ZFC3H1: variants seen among roughly 807,000 people sequenced by gnomAD.
The protein encoded by ZFC3H1 is zinc finger C3H1 domain-containing protein.
In ZFC3H1, 71 loss-of-function variants were observed where a neutral mutation model predicts 243.7. The ratio of observed to expected loss-of-function variants is 0.29; its 90% confidence interval spans 0.24 to 0.36. ZFC3H1 has a LOEUF of 0.36. ZFC3H1 is among the 10% of genes least tolerant of loss of function. The probability of loss-of-function intolerance (pLI) is 1.00; values close to 1 mark genes in which losing one functional copy is unlikely to be tolerated. For synonymous variants in ZFC3H1, 838 were observed against 813.0 expected, an observed-to-expected ratio of 1.03 and a Z score of -0.52; for missense variants, 1,966 against 2,317.1, an observed-to-expected ratio of 0.85 and a Z score of 3.11.
chr12:71,630,909 T>C lies in ZFC3H1; in HGVS notation c.3516A>G (p.Ser1172=), dbSNP rs779136026. ...GTTCAATCATATTACTGTATGATAC[T>C]GAGCTCAGGGGAAGTTTTTCCTTGG... is the stretch of plus-strand genomic sequence containing the variant. ...YRTKEKLPLS[S]VSYSNMIEPD... Residue 1172 remains serine, a synonymous_variant, in exon 17 of 35, where the codon TCA becomes TCG. Transcript: ENST00000378743. The C allele has an allele frequency of 1.2e-6, 2 of 1,612,796 alleles. No individual in the cohort carries two copies. The highest frequency in any genetic ancestry group is 3.3e-5 in the Admixed American group (2 of 60,020).
At chr12:71,629,141 CT>C in intron 19 of ZFC3H1, 104 bp from the exon 20 acceptor site, 2 of 952,502 alleles carry the variant, frequency 2.1e-6, no homozygotes, top group Non-Finnish European at 2.9e-6. Context: ...TTCACTCCAT[CT>C]TAGAAATGAT....
Position 71,620,315 on chromosome 12 carries a change from T to C in ZFC3H1, c.4745A>G (p.Asp1582Gly), listed in dbSNP as rs774521723. The change falls in exon 25 of 35, where the codon GAT (aspartate) becomes GGT (glycine). Residue 1582 changes from aspartate to glycine, a missense_variant and splice_region_variant. This residue lies in a region of ZFC3H1 where 1,383 missense variants were observed against 1,723.7 expected (regional missense o/e 0.80). Transcript: ENST00000378743. ...CTCATCTGTGCAAGCTTTCACTGCA[T>C]CTACCCAAAAACATCACAACAACAT... ...NPDMLLAVFE[D>G]AVKACTDESL... 43 of 1,613,914 alleles carry C rather than the reference T, an allele frequency of 2.7e-5. No individual in the cohort carries two copies. The highest frequency in any genetic ancestry group is 3.2e-5 in the Non-Finnish European group (38 of 1,179,946).
In ZFC3H1 at chr12:71,636,462, A is replaced by G. The variant is rs1454053988; in HGVS notation, c.2100+28T>C. The G allele has an allele frequency of 3.2e-6, 5 of 1,583,174 alleles. No individual in the cohort carries two copies. In the African/African-American group the frequency reaches 6.8e-5, roughly 22 times the overall value. On this transcript the variant is annotated intron_variant, in intron 9 of 34. Transcript: ENST00000378743. ...AGAAATTTATCATAACTGTTTGAAT[A>G]AAAGTAGCATTAAATTTTTGTTTTT...
chr12:71,641,836 T>C (rs769542440), intron 6 of ZFC3H1, among the ~76,000 whole-genome samples: 1 of 152,116 alleles, frequency 6.6e-6, no homozygotes, highest in Non-Finnish European at 1.5e-5. Context: ...AGTAATGTTC[T>C]CATCTTTCCC....
intron 27 of ZFC3H1, 21 bp from the exon 28 acceptor site, chr12:71,615,337 A>G: frequency 6.7e-7 from 1 of 1,494,604 alleles, no homozygotes; most frequent in Admixed American, 1.8e-5. Context: ...AAATCCAAAT[A>G]TTGTTTTAAA....
Position 71,619,396 on chromosome 12 carries a change from T to C in ZFC3H1, c.5063A>G (p.Asn1688Ser). 4 of 1,613,582 alleles carry C rather than the reference T, an allele frequency of 2.5e-6. No individual in the cohort carries two copies. The highest frequency in any genetic ancestry group is 3.4e-6 in the Non-Finnish European group (4 of 1,179,722). ...AAATTTCCGCAAAAATGGAAGAAGA[T>C]TATCGCCTCGATTCTATTTTAAAAA... ...KFFILQNRGD[N>S]LLPFLRKFIA... Residue 1688 changes from asparagine (N) to serine (S), a missense_variant, in exon 27 of 35, where the codon AAT becomes AGT. Physicochemically the swap from Asn to Ser is conservative, Grantham distance 46. Around this residue, in one of 4 missense-constraint regions of ZFC3H1, gnomAD observed 1,383 missense variants for 1,723.7 expected, o/e 0.80. Transcript: ENST00000378743.
At chr12:71,635,075 T>C (rs2137538217) in intron 10 of ZFC3H1, among the ~76,000 whole-genome samples, 1 of 152,138 alleles carries the variant, frequency 6.6e-6, no homozygotes, top group East Asian at 1.9e-4. Context: ...ACTACTGAAA[T>C]AGGGAAAAAA....
intron 2 of ZFC3H1, among the ~76,000 whole-genome samples, chr12:71,648,793 GA>G (rs1474007215): frequency 6.6e-6 from 1 of 152,124 alleles, no homozygotes; most frequent in African/African-American, 2.4e-5. Flanking sequence ...TGATACATTA[GA>G]AAATAATTCG....
chr12:71,647,181 C>CA, intron 3 of ZFC3H1, among the ~76,000 whole-genome samples: 1 of 152,306 alleles, frequency 6.6e-6, no homozygotes, highest in African/African-American at 2.4e-5. Context: ...TTTCAGATCT[C>CA]TAATTCAACA....
rs1149007 is a variant in ZFC3H1, at chr12:71,638,768, C to T, written c.1628-253G>A. Among the ~76,000 whole-genome samples the T allele has an allele frequency of 0.5, 75,784 of 151,726 alleles. 22,112 individuals carry two copies. Among genetic ancestry groups the T allele is most frequent in the Middle Eastern group, 0.71 (209 of 294 alleles). On this transcript the variant is annotated intron_variant, in intron 6 of 34. Transcript: ENST00000378743. ...ACTCTCACTTTGTTCCACTTTTAAC[C>T]TAATGATGAGAACAGGGAATAAAGC...
chr12:71,634,059 G>T, intron 12 of ZFC3H1, 96 bp downstream of exon 12: 2 of 1,257,432 alleles, frequency 1.6e-6, no homozygotes, highest in Non-Finnish European at 2.2e-6. Context: ...GTGAGAAAAT[G>T]TATAATCTTA....
At chr12:71,629,522 G>A (rs1340895196) in intron 19 of ZFC3H1, 87 bp downstream of exon 19, 9 of 879,284 alleles carry the variant, frequency 1.0e-5, no homozygotes, top group Middle Eastern at 3.0e-4. Context: ...CTGTCATACA[G>A]AAACTAAAAA....
chr12:71,641,735 C>G (rs1880606901), intron 6 of ZFC3H1, among the ~76,000 whole-genome samples: 1 of 152,146 alleles, frequency 6.6e-6, no homozygotes, highest in Non-Finnish European at 1.5e-5. Flanking sequence ...TAGAAAGAGA[C>G]AGGAAGCCAA....
Position 71,629,643 on chromosome 12 carries a change from G to C in ZFC3H1, c.3792C>G (p.Leu1264=), listed in dbSNP as rs1880270389. The change falls in exon 19 of 35, where the codon CTC becomes CTG. Residue 1264 remains leucine, a synonymous_variant. Transcript: ENST00000378743. The part of the protein sequence containing the change: ...DRMSMDQMAV[L]LVSNINESKG... Reference sequence around the variant, plus strand: ...TACTTTCATTGATATTGCTAACAAGGAGAACAGCCATCTGGTCCATTGACA... The same window carrying C: ...TACTTTCATTGATATTGCTAACAAGCAGAACAGCCATCTGGTCCATTGACA... The C allele has an allele frequency of 9.9e-6, 16 of 1,612,248 alleles. No individual in the cohort carries two copies. Among genetic ancestry groups the C allele is most frequent in the African/African-American group, 1.3e-5 (1 of 74,662 alleles).
In ZFC3H1 at chr12:71,650,624, T is replaced by C. The variant is rs376681193; in HGVS notation, c.1016-2811A>G. On this transcript the variant is annotated intron_variant, in intron 2 of 34. Transcript: ENST00000378743. ...TAAGAAATTACACAGGAAAAGTAAT[T>C]ATTTAAAACAAACAAAAGACAGAAA... 7.2e-5 allele frequency among the ~76,000 whole-genome samples: 11 copies of C among 152,254 alleles called. No homozygotes were observed. In the East Asian group the frequency reaches 1.2e-3, roughly 16 times the overall value.
At chr12:71,610,633 A>G in intron 34 of ZFC3H1, 62 bp downstream of exon 34, 1 of 1,611,716 alleles carries the variant, frequency 6.2e-7, no homozygotes, top group South Asian at 1.1e-5. Context: ...ATCAATGGAT[A>G]TGGCACATGC....
chr12:71,659,357 C>T (rs1413041873), intron 1 of ZFC3H1, among the ~76,000 whole-genome samples: 1 of 152,144 alleles, frequency 6.6e-6, no homozygotes, highest in Non-Finnish European at 1.5e-5. Context: ...CTGTGCTTTC[C>T]TTTCCAAACT....
chr12:71,627,600 T>G, intron 21 of ZFC3H1, 151 bp downstream of exon 21: 1 of 701,270 alleles, frequency 1.4e-6, no homozygotes, highest in Non-Finnish European at 2.3e-6. Flanking sequence ...TCTAATAGCT[T>G]TTAAACAATA....
At chr12:71,634,126 A>G (rs374679628) in intron 12 of ZFC3H1, 29 bp downstream of exon 12, 7 of 1,596,010 alleles carry the variant, frequency 4.4e-6, no homozygotes, top group South Asian at 2.3e-5. Context: ...CACAGGAACA[A>G]TTAGATATGT....
Sources: gnomAD v4.1 joint callset for allele counts (sites outside exome capture counted in the v4.1 genomes callset) on GRCh38, gnomAD v4.1.1 for gene constraint, gnomAD v4.1.1 regional missense constraint, MANE v1.5 for transcripts, NCBI Gene and HGNC (gene_info 2026-07-23, HGNC 2026-07-21) for gene names.